The following GDPD5 variants were observed in gnomAD, a reference collection of about 807,000 sequenced individuals.
The protein encoded by GDPD5 is glycerophosphodiester phosphodiesterase 2.
GDPD5 carries 48 observed loss-of-function variants against 75.1 expected under a neutral mutation model. The observed-to-expected ratio is 0.64, with a 90% confidence interval of 0.51 to 0.81. The LOEUF (loss-of-function observed/expected upper bound fraction) is 0.81, where lower values mean the gene tolerates loss of function less well. Among genes scored for constraint, GDPD5 ranks in the 40% least tolerant of loss-of-function variants. The probability of loss-of-function intolerance (pLI) is 0.00; values close to 1 mark genes in which losing one functional copy is unlikely to be tolerated. For synonymous variants in GDPD5, 336 were observed against 339.0 expected, an observed-to-expected ratio of 0.99 and a Z score of 0.10; for missense variants, 706 against 822.6, an observed-to-expected ratio of 0.86 and a Z score of 1.73.
At chr11:75,506,472 A>T (rs1950401837) in intron 1 of GDPD5, among the ~76,000 whole-genome samples, 1 of 152,156 alleles carries the variant, frequency 6.6e-6, no homozygotes, top group African/African-American at 2.4e-5. Flanking sequence ...GGGAGGCCTG[A>T]TATGATCCGG....
At chr11:75,441,032 C>T (rs1948782402) in intron 14 of GDPD5, 131 bp downstream of exon 14, 1 of 888,898 alleles carries the variant, frequency 1.1e-6, no homozygotes, top group Admixed American at 2.4e-5. Flanking sequence ...GCCTGCACGC[C>T]CACCATGGAC....
chr11:75,442,407 C>T lies in GDPD5; in HGVS notation c.1123G>A (p.Val375Met), dbSNP rs778076504. 33 of 1,596,192 alleles carry T rather than the reference C, an allele frequency of 2.1e-5. No individual in the cohort carries two copies. Among genetic ancestry groups the T allele is most frequent in the African/African-American group, 2.7e-5 (2 of 74,494 alleles). Residue 375 changes from valine (V) to methionine (M), a missense_variant, in exon 12 of 17, where the codon GTG becomes ATG. Transcript: ENST00000336898. ...EHPYRSSFIN[V>M]TLEAVLHSGF... ...GAGTGCAGCACGGCCTCCAGAGTCA[C>T]GTTGATAAAACTGCTGCGGTAGGGG...
chr11:75,450,153 G>C (rs1017831326), intron 6 of GDPD5, among the ~76,000 whole-genome samples, 170 bp from the exon 7 acceptor site: 3 of 152,166 alleles, frequency 2.0e-5, no homozygotes, highest in Non-Finnish European at 4.4e-5. Context: ...ACTAGAGGCC[G>C]GCAGATAGAC....
chr11:75,446,466 T>G (rs542970406), intron 9 of GDPD5, among the ~76,000 whole-genome samples: 34 of 151,708 alleles, frequency 2.2e-4, no homozygotes, highest in East Asian at 1.5e-3. Context: ...CATAGGGGGG[T>G]GGTGGTTACT....
intron 1 of GDPD5, among the ~76,000 whole-genome samples, chr11:75,520,815 C>A (rs1011862421): frequency 3.0e-4 from 45 of 152,234 alleles, no homozygotes; most frequent in African/African-American, 1.0e-3. Context: ...GCCAGTGACC[C>A]CGCTGTGGCC....
At chr11:75,473,839 C>T (rs1016569999) in intron 3 of GDPD5, among the ~76,000 whole-genome samples, 1 of 152,176 alleles carries the variant, frequency 6.6e-6, no homozygotes, top group Non-Finnish European at 1.5e-5. Context: ...GAGGCCAGCT[C>T]GGGCAAGCCT....
In GDPD5 at chr11:75,449,965, G is replaced by T. The variant is rs1390293025; in HGVS notation, c.394C>A (p.Leu132Met). The T allele has an allele frequency of 6.2e-7, 1 of 1,613,770 alleles. No individual in the cohort carries two copies. The highest frequency in any genetic ancestry group is 2.2e-5 in the East Asian group (1 of 44,888). Residue 132 changes from leucine (L) to methionine (M), a missense_variant, in exon 7 of 17, where the codon CTG becomes ATG. Physicochemically the swap from Leu to Met is conservative, Grantham distance 15. Transcript: ENST00000336898. The part of the protein sequence containing the change: ...WLHKIGLVVI[L>M]ASTVVAMSAV... ...GACATGGCCACCACCGTGGAAGCCA[G>T]GATGACCACCAGCCCGATCTGGAGG...
chr11:75,521,704 G>C, intron 1 of GDPD5, among the ~76,000 whole-genome samples: 1 of 152,216 alleles, frequency 6.6e-6, no homozygotes, highest in East Asian at 1.9e-4. Context: ...GGGTAATCCA[G>C]GAATGTTTCT....
intron 1 of GDPD5, among the ~76,000 whole-genome samples, chr11:75,495,265 T>TCACA (rs34243107): frequency 0.013 from 1,919 of 146,970 alleles, 15 homozygotes; most frequent in Middle Eastern, 0.029. Flanking sequence ...TGTCACTCTG[T>TCACA]CACACACACA....
At chr11:75,445,490 C>T (rs1378276850) in intron 9 of GDPD5, among the ~76,000 whole-genome samples, 1 of 152,208 alleles carries the variant, frequency 6.6e-6, no homozygotes, top group Admixed American at 6.5e-5. Context: ...CTGTCATACC[C>T]GTTGCTGCCA....
At chr11:75,494,886 A>G (rs758133845) in intron 1 of GDPD5, among the ~76,000 whole-genome samples, 7 of 151,992 alleles carry the variant, frequency 4.6e-5, no homozygotes, top group Non-Finnish European at 7.4e-5. Context: ...AGGCAGGCAG[A>G]GGTTGCAGTG....
chr11:75,516,199 T>C (rs1950635773), intron 1 of GDPD5: 1 of 152,412 alleles, frequency 6.6e-6, no homozygotes, highest in Non-Finnish European at 1.5e-5. Context: ...TTGAAGTTTA[T>C]CCCCTGTGAG....
chr11:75,448,956 G>C (rs746177635), intron 9 of GDPD5, 21 bp downstream of exon 9: 1 of 1,544,088 alleles, frequency 6.5e-7, no homozygotes, highest in African/African-American at 1.4e-5. Context: ...GGGGCTGTTA[G>C]GACCCTGAGG....
intron 11 of GDPD5, 143 bp from the exon 12 acceptor site, chr11:75,442,724 A>C (rs1444583891): frequency 8.8e-6 from 6 of 684,150 alleles, no homozygotes; most frequent in Non-Finnish European, 1.5e-5. Flanking sequence ...GGCCATGTGG[A>C]GGCTGTAGGA....
At chr11:75,441,615 C>G (rs966143466) in intron 13 of GDPD5, 31 bp downstream of exon 13, 1 of 1,529,532 alleles carries the variant, frequency 6.5e-7, no homozygotes, top group Non-Finnish European at 8.8e-7. Flanking sequence ...GTCCCACCCT[C>G]TCCTGGAGGA....
chr11:75,438,531 C>G (rs1379469673), intron 15 of GDPD5: 1 of 152,302 alleles, frequency 6.6e-6, no homozygotes, highest in Non-Finnish European at 1.5e-5. Context: ...TGTTGGTCAA[C>G]TGGGCGGACA....
chr11:75,444,245 C>T (rs1948921070), intron 10 of GDPD5, among the ~76,000 whole-genome samples, 168 bp downstream of exon 10: 1 of 152,160 alleles, frequency 6.6e-6, no homozygotes, highest in South Asian at 2.1e-4. Flanking sequence ...CTCTATTTTA[C>T]ATCCTGGAGT....
intron 3 of GDPD5, among the ~76,000 whole-genome samples, chr11:75,477,211 G>C (rs1949797585): frequency 6.6e-6 from 1 of 152,176 alleles, no homozygotes; most frequent in Non-Finnish European, 1.5e-5. Context: ...CCCGGTGCCA[G>C]ACCGTGGCCC....
intron 3 of GDPD5, among the ~76,000 whole-genome samples, chr11:75,473,777 C>G (rs902136628): frequency 1.3e-5 from 2 of 152,156 alleles, no homozygotes; most frequent in African/African-American, 4.8e-5. Flanking sequence ...GCACACAGTT[C>G]CCCCTACCCT....
Sources: gnomAD v4.1 joint callset for allele counts (sites outside exome capture counted in the v4.1 genomes callset) on GRCh38, gnomAD v4.1.1 for gene constraint, MANE v1.5 for transcripts, NCBI Gene and HGNC (gene_info 2026-07-23, HGNC 2026-07-21) for gene names.